Variants in DEK observed in about 807,000 individuals in gnomAD.
The protein encoded by DEK is protein DEK.
DEK carries 28 observed loss-of-function variants against 46.8 expected under a neutral mutation model. The observed-to-expected ratio is 0.60, with a 90% confidence interval of 0.44 to 0.82. The LOEUF is 0.82. Among genes scored for constraint, DEK ranks in the 40% least tolerant of loss-of-function variants. DEK has a pLI of 0.00. For missense variants in DEK, 416 were observed against 430.6 expected (o/e 0.97, Z 0.30); for synonymous variants, 160 against 144.5 (o/e 1.11, Z -0.77).
At chr6:18,230,555 C>CA (rs980932383) in intron 9 of DEK, among the ~76,000 whole-genome samples, 12 of 151,278 alleles carry the variant, frequency 7.9e-5, no homozygotes, top group East Asian at 7.8e-4. Flanking sequence ...AAATGGAAAA[C>CA]AAAAAAAACA....
In DEK at chr6:18,249,817, G is replaced by A. The variant is rs768804503; in HGVS notation, c.596C>T (p.Thr199Ile). Residue 199 changes from threonine to isoleucine, a missense_variant, in exon 7 of 11, where the codon ACT becomes ATT. Coordinates refer to ENST00000652689, the MANE Select transcript of DEK (RefSeq NM_003472.4). ...TTCCTTTTTACTGCCTTTGCTACAA[G>A]TTTTTTTAGATTTCGGCAATGGCTG... is the stretch of plus-strand genomic sequence containing the variant. ...SGKPLPKSKK[T>I]CSKGSKKERN... is the part of the protein sequence containing the mutation. 31 of 1,596,340 alleles carry A rather than the reference G, an allele frequency of 1.9e-5. No homozygotes were observed. Among genetic ancestry groups the A allele is most frequent in the Non-Finnish European group, 2.6e-5 (30 of 1,175,384 alleles).
chr6:18,225,596 GT>G lies in DEK; in HGVS notation c.*122del. ...AACACTCAAGATAAAAAGGTCAGCAGTAAGTTCTACTAACGTTGCTTAACAA... is the reference window on the plus strand; with the variant it reads ...AACACTCAAGATAAAAAGGTCAGCAGAAGTTCTACTAACGTTGCTTAACAA... On this transcript the variant is annotated 3_prime_UTR_variant, in exon 11 of 11. Transcript: ENST00000652689. 9.3e-7 allele frequency: 1 copy of G among 1,073,330 alleles called. No individual in the cohort carries two copies. Among genetic ancestry groups the G allele is most frequent in the Non-Finnish European group, 1.3e-6 (1 of 758,594 alleles). The allele number at this position is 1,073,330 out of a possible 1,614,324, so 66.5% of individuals were successfully genotyped here.
At chr6:18,242,256 G>C (rs555080738) in intron 7 of DEK, among the ~76,000 whole-genome samples, 2 of 152,178 alleles carry the variant, frequency 1.3e-5, no homozygotes, top group Non-Finnish European at 2.9e-5. Flanking sequence ...CCAGCTACTA[G>C]GGTGGCTGTG....
chr6:18,246,754 A>C (rs1331565515), intron 7 of DEK, among the ~76,000 whole-genome samples: 2 of 152,248 alleles, frequency 1.3e-5, no homozygotes, highest in Non-Finnish European at 2.9e-5. Flanking sequence ...TCAACAATGA[A>C]TAGAGTATAT....
In DEK at chr6:18,243,088, G is replaced by A. The variant is rs764649996; in HGVS notation, c.763-5572C>T. On this transcript the variant is annotated intron_variant, in intron 7 of 10. Transcript: ENST00000652689. ...CACTGGGGGTCTTGAAATGTACTCC[G>A]TTCAGGTAAGAGGTGACTACTGTGA... Among the ~76,000 whole-genome samples the A allele has an allele frequency of 7.7e-4, 117 of 152,138 alleles. 1 individual carries two copies. The highest frequency in any genetic ancestry group is 2.9e-4 in the Non-Finnish European group (20 of 68,036).
At chr6:18,262,294 C>CAAAA in intron 2 of DEK, among the ~76,000 whole-genome samples, 1 of 108,522 alleles carries the variant, frequency 9.2e-6, no homozygotes, top group African/African-American at 3.3e-5. Context: ...TATAGTAACG[C>CAAAA]AAAAAAAAAA....
At chr6:18,247,449 T>C (rs1303141280) in intron 7 of DEK, among the ~76,000 whole-genome samples, 2 of 152,322 alleles carry the variant, frequency 1.3e-5, no homozygotes, top group East Asian at 3.9e-4. Context: ...TCTTCTCCCA[T>C]GGATTTTCAT....
In DEK at chr6:18,256,973, A is replaced by G. The variant is rs550804339; in HGVS notation, c.358-518T>C. On this transcript the variant is annotated intron_variant, in intron 4 of 10. Transcript: ENST00000652689. The stretch of plus-strand genomic sequence containing the variant: ...AAATGAGATTAACAGACTCACTGAA[A>G]ATAAATTATGTCATGCACCAGACAT... Among the ~76,000 whole-genome samples the G allele has an allele frequency of 4.6e-5, 7 of 152,298 alleles. No individual in the cohort carries two copies. In the East Asian group the frequency reaches 1.4e-3, roughly 29 times the overall value.
Position 18,263,915 on chromosome 6 carries a change from T to C in DEK, c.73A>G (p.Met25Val). ...TQPASEKEPE[M>V]PGPREESEEE... ...TCGCTCTCCTCTCTGGGACCGGGCA[T>C]TTCGGGTTCTTTCTCGGACGCGGGC... The change falls in exon 2 of 11, where the codon ATG (methionine) becomes GTG (valine). Residue 25 changes from methionine to valine, a missense_variant. Physicochemically the swap from Met to Val is conservative, Grantham distance 21 (BLOSUM62 1). Transcript: ENST00000652689. 2 of 1,612,120 alleles carry C rather than the reference T, an allele frequency of 1.2e-6. No individual in the cohort carries two copies. The highest frequency in any genetic ancestry group is 1.7e-6 in the Non-Finnish European group (2 of 1,179,094).
At chr6:18,233,817 A>C (rs1790520883) in intron 9 of DEK, among the ~76,000 whole-genome samples, 1 of 152,180 alleles carries the variant, frequency 6.6e-6, no homozygotes. Context: ...AACCAGAAAT[A>C]CCATTTGACC....
chr6:18,260,985 C>CAAAAAA (rs780634683), intron 2 of DEK, among the ~76,000 whole-genome samples: 2 of 78,026 alleles, frequency 2.6e-5, no homozygotes, highest in East Asian at 3.3e-4. Flanking sequence ...ACCTTGTCTC[C>CAAAAAA]AAAAAAAAAA....
At chr6:18,245,549 A>G (rs1791076760) in intron 7 of DEK, among the ~76,000 whole-genome samples, 1 of 151,330 alleles carries the variant, frequency 6.6e-6, no homozygotes, top group African/African-American at 2.4e-5. Context: ...AAAACACTAG[A>G]AAATAAAAAT....
intron 7 of DEK, among the ~76,000 whole-genome samples, chr6:18,247,597 A>G (rs1582279383): frequency 6.6e-6 from 1 of 152,192 alleles, no homozygotes; most frequent in Admixed American, 6.5e-5. Flanking sequence ...TCATCTGCAT[A>G]CACCAAGTTC....
chr6:18,252,205 T>C (rs1261999901), intron 6 of DEK, among the ~76,000 whole-genome samples: 1 of 152,170 alleles, frequency 6.6e-6, no homozygotes, highest in Non-Finnish European at 1.5e-5. Context: ...AGGAAACTTC[T>C]TGTAGCATAG....
At chr6:18,260,591 A>G (rs185328523) in intron 2 of DEK, among the ~76,000 whole-genome samples, 8 of 152,194 alleles carry the variant, frequency 5.3e-5, no homozygotes, top group Non-Finnish European at 1.0e-4. Context: ...TTTCCCCAAA[A>G]TCACTGCCAA....
At chr6:18,255,970 C>A in intron 5 of DEK, 119 bp from the exon 6 acceptor site, 1 of 1,174,328 alleles carries the variant, frequency 8.5e-7, no homozygotes, top group Admixed American at 2.8e-5. Flanking sequence ...AAAAAGTGGC[C>A]AATGCTTCTA....
intron 6 of DEK, among the ~76,000 whole-genome samples, chr6:18,254,834 C>A (rs926312295): frequency 2.6e-5 from 4 of 152,160 alleles, no homozygotes; most frequent in Admixed American, 6.5e-5. Flanking sequence ...AATCATCATA[C>A]CCCTTGCGTT....
At chr6:18,254,636 A>C (rs925361088) in intron 6 of DEK, among the ~76,000 whole-genome samples, 1 of 152,180 alleles carries the variant, frequency 6.6e-6, no homozygotes, top group African/African-American at 2.4e-5. Flanking sequence ...GAAACCAATA[A>C]ATTGGAAAAC....
chr6:18,245,382 A>G (rs2151086374), intron 7 of DEK, among the ~76,000 whole-genome samples: 1 of 152,298 alleles, frequency 6.6e-6, no homozygotes, highest in East Asian at 1.9e-4. Flanking sequence ...CTTGTCATGA[A>G]AGAAAAATAA....
Sources: allele counts gnomAD v4.1 joint callset (sites outside exome capture counted in the v4.1 genomes callset), GRCh38; gene constraint gnomAD v4.1.1; transcripts MANE v1.5; gene names NCBI Gene and HGNC (gene_info 2026-07-23, HGNC 2026-07-21).